The following FAM153A variants were observed in gnomAD, a reference collection of about 807,000 sequenced individuals.
FAM153A encodes the protein family with sequence similarity 153 member A.
A neutral mutation model predicts 48.1 loss-of-function variants in FAM153A; 12 were observed. The observed-to-expected ratio is 0.25, with a 90% CI of 0.16 to 0.40. FAM153A has a LOEUF of 0.40. FAM153A is among the 10% of genes least tolerant of loss of function. FAM153A has a pLI of 1.00. For missense variants in FAM153A, 111 were observed against 345.8 expected, an observed-to-expected ratio of 0.32 and a Z score of 5.38; for synonymous variants, 36 against 118.2, an observed-to-expected ratio of 0.30 and a Z score of 4.51.
chr5:177,699,837 A>T, the FAM153A span, among the ~76,000 whole-genome samples: 1 of 151,846 alleles, frequency 6.6e-6, no homozygotes, highest in Non-Finnish European at 1.5e-5. Context: ...AGAGGAGGAA[A>T]TACTTCCCAA....
At position 177,727,835 on chromosome 5, in the gene FAM153A, TC is replaced by T. The variant is rs781757488; in HGVS notation, c.964+1187del. On this transcript the variant is annotated intron_variant, in intron 18 of 20. Coordinates refer to ENST00000614127, the Ensembl canonical transcript of FAM153A. ...GCAGGTATCCTGCCTGATGATTATTTCATTAAATACAATAGAATATGCCACT... is the reference window on the plus strand; with the variant it reads ...GCAGGTATCCTGCCTGATGATTATTTATTAAATACAATAGAATATGCCACT... Among the ~76,000 whole-genome samples the T allele has an allele frequency of 1.3e-4, 10 of 76,856 alleles. 2 individuals are homozygous for T. The East Asian group carries it at 3.1e-3, about 24-fold the overall frequency. The allele number at this position is 76,856 out of a possible 152,430, so 50.4% of individuals were successfully genotyped here.
chr5:177,700,245 G>GGT, the FAM153A span, among the ~76,000 whole-genome samples: 1 of 151,798 alleles, frequency 6.6e-6, no homozygotes, highest in Admixed American at 6.6e-5. Context: ...CATGCTTTAG[G>GGT]GTAAAAGATT....
exon 27 of FAM153A, chr5:177,712,666 T>C (rs1366757515): frequency 2.6e-5 from 4 of 151,308 alleles, no homozygotes; most frequent in Admixed American, 6.6e-5. Flanking sequence ...TATGCAGCTA[T>C]CAGTACACCT....
the FAM153A span, among the ~76,000 whole-genome samples, chr5:177,699,336 T>C: frequency 6.6e-6 from 1 of 150,700 alleles, no homozygotes; most frequent in African/African-American, 2.5e-5. Context: ...GAAATATTAA[T>C]GTGCAAAGTG....
chr5:177,713,673 T>C (rs1758978001), intron 26 of FAM153A: 1 of 151,952 alleles, frequency 6.6e-6, no homozygotes, highest in Admixed American at 6.6e-5. Context: ...CCCAAAATGC[T>C]GAGATTACAG....
At chr5:177,709,691 A>C (rs1758232639), downstream of FAM153A, among the ~76,000 whole-genome samples, 1 of 89,678 alleles carries the variant, frequency 1.1e-5, no homozygotes, top group Non-Finnish European at 2.3e-5. Flanking sequence ...TTTTTTTTTG[A>C]CCAAGTTTTG....
chr5:177,700,728 G>T, the FAM153A span, among the ~76,000 whole-genome samples: 1 of 151,868 alleles, frequency 6.6e-6, no homozygotes, highest in African/African-American at 2.4e-5. Flanking sequence ...CTTGAACCCA[G>T]GAGGCGGAGG....
intron 1 of FAM153A, among the ~76,000 whole-genome samples, chr5:177,758,462 T>C (rs1767968944): frequency 6.9e-6 from 1 of 145,618 alleles, no homozygotes; most frequent in Non-Finnish European, 1.5e-5. Context: ...CTTCACTGAA[T>C]TGGAAAAAAC....
At chr5:177,754,790 G>A (rs181635746), upstream of FAM153A, among the ~76,000 whole-genome samples, 22 of 151,976 alleles carry the variant, frequency 1.4e-4, no homozygotes, top group Non-Finnish European at 2.5e-4. Context: ...CTGTTAGAAG[G>A]ATAACTAACA....
chr5:177,699,256 A>G, the FAM153A span, among the ~76,000 whole-genome samples: 54,931 of 149,792 alleles, frequency 0.37, 10,197 homozygotes, highest in Non-Finnish European at 0.41. Context: ...TCTCAAATCA[A>G]TAACTTAAAC....
upstream of FAM153A, among the ~76,000 whole-genome samples, chr5:177,781,305 C>G (rs1234537507): frequency 1.5e-5 from 2 of 131,114 alleles, no homozygotes; most frequent in Admixed American, 8.2e-5. Flanking sequence ...TTAGTACAGA[C>G]AGGGTTTCAC....
At chr5:177,723,323 C>G (rs1378679092), downstream of FAM153A, 2 of 110,954 alleles carry the variant, frequency 1.8e-5, no homozygotes, top group African/African-American at 6.3e-5. Flanking sequence ...AAGTGAAAAA[C>G]AGTGTATATG....
the FAM153A span, among the ~76,000 whole-genome samples, chr5:177,700,073 A>C: frequency 6.6e-6 from 1 of 152,036 alleles, no homozygotes; most frequent in Non-Finnish European, 1.5e-5. Context: ...TCAATATAAT[A>C]CACCATATTA....
chr5:177,696,499 A>G, the FAM153A span, among the ~76,000 whole-genome samples: 2 of 151,722 alleles, frequency 1.3e-5, no homozygotes, highest in Non-Finnish European at 2.9e-5. Flanking sequence ...ATCTTTTTGC[A>G]TGTGAATATT....
intron 6 of FAM153A, among the ~76,000 whole-genome samples, chr5:177,742,906 ACAG>A (rs1182463544): frequency 3.5e-5 from 2 of 56,818 alleles, no homozygotes; most frequent in Non-Finnish European, 6.7e-5. Context: ...TTAATCGCTC[ACAG>A]CAGAAAGCCC....
chr5:177,710,521 TATGC>T (rs1207869737), downstream of FAM153A, among the ~76,000 whole-genome samples: 1 of 151,632 alleles, frequency 6.6e-6, no homozygotes, highest in East Asian at 1.9e-4. Context: ...AGTAGGATTT[TATGC>T]ATGCTTTTTG....
chr5:177,760,234 C>CTTTTTTTTTTTTTTTTTTTTTTTTTT lies in FAM153A; in HGVS notation c.-56-11536_-56-11535insAAAAAAAAAAAAAAAAAAAAAAAAAA, dbSNP rs1337707844. On this transcript the variant is annotated intron_variant, in intron 1 of 8. Coordinates refer to the FAM153A transcript ENST00000393518. Reference sequence around the variant, plus strand: ...TCTCTTAATGCCAAATTGGGAAAGACCTTTTTTTTTTTTTTTTTTTGAGAT... The same window carrying CTTTTTTTTTTTTTTTTTTTTTTTTTT: ...TCTCTTAATGCCAAATTGGGAAAGACTTTTTTTTTTTTTTTTTTTTTTTTTTCTTTTTTTTTTTTTTTTTTTGAGAT... Among the ~76,000 whole-genome samples the CTTTTTTTTTTTTTTTTTTTTTTTTTT allele has an allele frequency of 2.1e-5, 2 of 96,860 alleles. 1 individual carries two copies. The highest frequency in any genetic ancestry group is 8.4e-5 in the African/African-American group (2 of 23,786). 63.5% of individuals were successfully genotyped at this position (96,860 alleles called of 152,430 possible). A position where few individuals can be genotyped will look rare whatever the true frequency, so the allele number is the denominator to read the frequency against.
At chr5:177,743,190 GTTTTTTT>G (rs757108757) in intron 6 of FAM153A, among the ~76,000 whole-genome samples, 1 of 75,758 alleles carries the variant, frequency 1.3e-5, no homozygotes, top group African/African-American at 4.9e-5. Context: ...GCATTCACTT[GTTTTTTT>G]TTTGTTTTGT....
At chr5:177,755,319 G>T (rs1299148951), upstream of FAM153A, among the ~76,000 whole-genome samples, 2 of 151,814 alleles carry the variant, frequency 1.3e-5, no homozygotes, top group South Asian at 4.1e-4. Flanking sequence ...AAGCCTCCAA[G>T]AAATATGGGA....
Sources: allele counts gnomAD v4.1 joint callset (sites outside exome capture counted in the v4.1 genomes callset), GRCh38; gene constraint gnomAD v4.1.1; transcripts MANE v1.5; gene names NCBI Gene and HGNC (gene_info 2026-07-23, HGNC 2026-07-21).